The following GNS variants were observed in gnomAD, a reference collection of about 807,000 sequenced individuals.
GNS encodes N-acetylglucosamine-6-sulfatase.
GNS carries 40 observed loss-of-function variants against 69.7 expected under a neutral mutation model. The observed-to-expected ratio is 0.57, with a 90% CI of 0.45 to 0.75. The LOEUF is 0.75. Ranked by LOEUF, GNS falls within the 30% of genes least tolerant of loss-of-function variation. The probability of loss-of-function intolerance (pLI) is 0.00; values close to 1 mark genes in which losing one functional copy is unlikely to be tolerated. For missense variants in GNS, 565 were observed against 685.5 expected, an observed-to-expected ratio of 0.82 and a Z score of 1.96; for synonymous variants, 243 against 251.6, an observed-to-expected ratio of 0.97 and a Z score of 0.32.
rs1190743557 is a variant in GNS, at chr12:64,759,286, G to A, written c.-10C>T. 6.0e-6 allele frequency: 9 copies of A among 1,496,556 alleles called. No homozygotes were observed. The South Asian group carries it at 1.0e-4, about 17-fold the overall frequency. 92.7% of individuals were successfully genotyped at this position (1,496,556 alleles called of 1,614,324 possible). On this transcript the variant is annotated 5_prime_UTR_variant, in exon 1 of 14. Transcript: ENST00000258145. ...GAGGCAGGAGCCGCATAGCGGACAG[G>A]CTCCGGGGTGACCCCGGGACGGGAC...
intron 8 of GNS, among the ~76,000 whole-genome samples, chr12:64,738,879 CAAGT>C (rs1489628104): frequency 5.3e-5 from 8 of 151,956 alleles, no homozygotes; most frequent in Middle Eastern, 3.2e-3. Context: ...CCTATGCAAG[CAAGT>C]CTCAAGTGAA....
At chr12:64,736,963 A>G in intron 9 of GNS, 41 bp downstream of exon 9, 3 of 961,640 alleles carry the variant, frequency 3.1e-6, no homozygotes, top group Non-Finnish European at 3.4e-6. Context: ...TTCTCAGGCA[A>G]GTGCCTACCT....
chr12:64,754,187 C>T (rs533869071), intron 1 of GNS, among the ~76,000 whole-genome samples: 15 of 152,198 alleles, frequency 9.9e-5, no homozygotes, highest in East Asian at 3.8e-4. Context: ...AGATGGTCCT[C>T]GCCCTCATGA....
At chr12:64,756,808 C>CT in intron 1 of GNS, 11 of 980,454 alleles carry the variant, frequency 1.1e-5, no homozygotes, top group Non-Finnish European at 1.5e-5. Context: ...TTAAGTTTGA[C>CT]TTATGCCCTC....
chr12:64,745,043 G>A (rs1178529861), intron 4 of GNS, 136 bp from the exon 5 acceptor site: 4 of 647,490 alleles, frequency 6.2e-6, no homozygotes, highest in Non-Finnish European at 1.1e-5. Context: ...ATACTGAATT[G>A]GATTTTTTGA....
At chr12:64,753,868 A>G (rs1870158999) in intron 1 of GNS, among the ~76,000 whole-genome samples, 1 of 152,196 alleles carries the variant, frequency 6.6e-6, no homozygotes. Context: ...CTTCCGAAGC[A>G]AGGTCGTCAG....
intron 9 of GNS, among the ~76,000 whole-genome samples, chr12:64,736,517 G>A (rs1869560995): frequency 6.6e-6 from 1 of 152,188 alleles, no homozygotes; most frequent in African/African-American, 2.4e-5. Flanking sequence ...ACACAGAAAA[G>A]CCTGAGGGGC....
intron 9 of GNS, among the ~76,000 whole-genome samples, chr12:64,735,188 G>A (rs12319581): frequency 0.042 from 6,411 of 152,262 alleles, 436 homozygotes; most frequent in African/African-American, 0.14. Flanking sequence ...GGTGTACCGT[G>A]CTGGCAAGGA....
intron 6 of GNS, among the ~76,000 whole-genome samples, chr12:64,741,279 C>T (rs916907291): frequency 4.6e-5 from 7 of 151,550 alleles, no homozygotes; most frequent in African/African-American, 9.7e-5. Flanking sequence ...GAGACAGAGG[C>T]GGAGGTTGCA....
intron 2 of GNS, among the ~76,000 whole-genome samples, chr12:64,752,202 TA>T (rs370625040): frequency 6.6e-6 from 1 of 152,160 alleles, no homozygotes; most frequent in African/African-American, 2.4e-5. Context: ...AACATAACAC[TA>T]TGCTACTGTT....
At chr12:64,720,243 C>A in intron 12 of GNS, 61 bp from the exon 13 acceptor site, 1 of 1,069,600 alleles carries the variant, frequency 9.3e-7, no homozygotes, top group South Asian at 1.3e-5. Context: ...AAGAAATACT[C>A]TTAACGTGAC....
chr12:64,742,340 A>T (rs1370449024), intron 6 of GNS, among the ~76,000 whole-genome samples: 1 of 152,228 alleles, frequency 6.6e-6, no homozygotes, highest in Non-Finnish European at 1.5e-5. Context: ...TTTAAAACAC[A>T]GTTCACTCAG....
intron 1 of GNS, among the ~76,000 whole-genome samples, 167 bp downstream of exon 1, chr12:64,758,918 T>C (rs187168168): frequency 3.0e-3 from 454 of 152,334 alleles, no homozygotes; most frequent in African/African-American, 0.01. Flanking sequence ...GAAAAGAGTA[T>C]TGCAGTCCCT....
chr12:64,741,426 C>A (rs1869733039), intron 6 of GNS, among the ~76,000 whole-genome samples: 1 of 151,884 alleles, frequency 6.6e-6, no homozygotes, highest in Non-Finnish European at 1.5e-5. Context: ...GCTGGGATTA[C>A]AGGCGTGCAC....
At position 64,743,195 on chromosome 12, in the gene GNS, C is replaced by T; in HGVS notation, c.738G>A (p.Lys246=). The change falls in exon 6 of 14, where the codon AAG becomes AAA. Residue 246 remains lysine (K), a synonymous_variant. Transcript: ENST00000258145. ...TTGGTGCAAAGACATTCTGGAAAGC[C>T]TTCTGGTACTGAGGTGCAGCTGTCC... ...SPWTAAPQYQ[K]AFQNVFAPRN... is the part of the protein sequence containing the mutation. 6.2e-7 allele frequency: 1 copy of T among 1,613,408 alleles called. No homozygotes were observed. Among genetic ancestry groups the T allele is most frequent in the Non-Finnish European group, 8.5e-7 (1 of 1,179,404 alleles).
chr12:64,724,908 T>C (rs1421758556), intron 10 of GNS, among the ~76,000 whole-genome samples: 1 of 152,132 alleles, frequency 6.6e-6, no homozygotes, highest in Non-Finnish European at 1.5e-5. Flanking sequence ...ACCTGAGCCA[T>C]GGAAGCCAGA....
At position 64,745,748 on chromosome 12, in the gene GNS, C is replaced by G. The variant is rs1210024684; in HGVS notation, c.460-24G>C. ...TACTGAAAAGCAAAACAAGTAGGGA[C>G]AATTACAAGTCCTTAGATATGACCA... is the stretch of plus-strand genomic sequence containing the variant. On this transcript the variant is annotated intron_variant, in intron 3 of 13. Transcript: ENST00000258145. The G allele has an allele frequency of 8.3e-6, 12 of 1,446,856 alleles. 1 individual carries two copies. Among genetic ancestry groups the G allele is most frequent in the South Asian group, 8.0e-5 (7 of 87,772 alleles). The allele number at this position is 1,446,856 out of a possible 1,614,324, so 89.6% of individuals were successfully genotyped here.
chr12:64,737,159 C>G (rs1035579491), intron 8 of GNS, 52 bp from the exon 9 acceptor site: 11 of 948,348 alleles, frequency 1.2e-5, no homozygotes, highest in Middle Eastern at 2.1e-4. Context: ...GAGCCTTGCT[C>G]ATGTTATGTT....
intron 1 of GNS, among the ~76,000 whole-genome samples, chr12:64,754,290 G>A (rs1436222938): frequency 1.1e-4 from 17 of 152,170 alleles, no homozygotes; most frequent in African/African-American, 4.1e-4. Flanking sequence ...AAACCAGGAT[G>A]ATGTGATTAC....
Sources: gnomAD v4.1 joint callset for allele counts (sites outside exome capture counted in the v4.1 genomes callset) on GRCh38, gnomAD v4.1.1 for gene constraint, MANE v1.5 for transcripts, NCBI Gene and HGNC (gene_info 2026-07-23, HGNC 2026-07-21) for gene names.